Variants in DLG2 observed in about 807,000 individuals in gnomAD.
DLG2 encodes discs large MAGUK scaffold protein 2.
DLG2 carries 45 observed loss-of-function variants against 132.5 expected under a neutral mutation model. That is an observed-to-expected ratio of 0.34 (90% CI 0.27 to 0.44). The LOEUF is 0.44. Ranked by LOEUF, DLG2 falls within the 20% of genes least tolerant of loss-of-function variation. The pLI, the probability that DLG2 is intolerant of heterozygous loss-of-function variation, is 1.00. For missense variants in DLG2, 1,045 were observed against 1,196.9 expected, an observed-to-expected ratio of 0.87 and a Z score of 1.87; for synonymous variants, 424 against 419.6, an observed-to-expected ratio of 1.01 and a Z score of -0.13.
At chr11:84,906,749 G>C (rs1483464337) in intron 6 of DLG2, among the ~76,000 whole-genome samples, 1 of 152,090 alleles carries the variant, frequency 6.6e-6, no homozygotes, top group East Asian at 1.9e-4. Context: ...GTGAGGCCAA[G>C]GGACTAGGGC....
chr11:85,410,286 G>A (rs767609818), intron 3 of DLG2, among the ~76,000 whole-genome samples: 6 of 151,606 alleles, frequency 4.0e-5, no homozygotes, highest in Non-Finnish European at 8.8e-5. Flanking sequence ...GAGCTGTCTT[G>A]AGCAAGATAA....
At chr11:83,546,547 T>G (rs1164072140) in intron 19 of DLG2, among the ~76,000 whole-genome samples, 1 of 152,138 alleles carries the variant, frequency 6.6e-6, no homozygotes, top group Non-Finnish European at 1.5e-5. Flanking sequence ...TGTTATTATT[T>G]CTGACAACAA....
intron 9 of DLG2, among the ~76,000 whole-genome samples, chr11:84,107,226 G>C (rs2093028353): frequency 1.3e-5 from 2 of 151,910 alleles, no homozygotes; most frequent in African/African-American, 4.8e-5. Context: ...ATGGGGCCCA[G>C]AGTTCAGACT....
intron 7 of DLG2, among the ~76,000 whole-genome samples, chr11:84,413,612 C>T (rs1027438602): frequency 2.6e-5 from 4 of 152,278 alleles, no homozygotes; most frequent in African/African-American, 7.2e-5. Context: ...TACCTGTTCC[C>T]AGACTGCTTT....
intron 7 of DLG2, among the ~76,000 whole-genome samples, chr11:84,463,665 A>C (rs2099086361): frequency 6.6e-6 from 1 of 151,208 alleles, no homozygotes; most frequent in South Asian, 2.1e-4. Context: ...CACTGAGGGA[A>C]GGGACTATGC....
chr11:85,468,575 T>C (rs145768127), intron 3 of DLG2, among the ~76,000 whole-genome samples: 1,537 of 152,354 alleles, frequency 0.01, 12 homozygotes, highest in Non-Finnish European at 0.015. Context: ...ATGTACCCAG[T>C]AGTCACACAG....
intron 18 of DLG2, among the ~76,000 whole-genome samples, chr11:83,780,958 C>G (rs1203619123): frequency 6.7e-6 from 1 of 150,076 alleles, no homozygotes; most frequent in Non-Finnish European, 1.5e-5. Context: ...CTCACAAACT[C>G]TAATGTGCAT....
chr11:85,388,142 T>A (rs2086500761), intron 3 of DLG2, among the ~76,000 whole-genome samples: 1 of 152,162 alleles, frequency 6.6e-6, no homozygotes, highest in African/African-American at 2.4e-5. Flanking sequence ...TCTTTTGGGC[T>A]GCAGGTGGCA....
intron 2 of DLG2, among the ~76,000 whole-genome samples, chr11:85,604,439 T>A (rs1275217445): frequency 1.3e-5 from 2 of 152,206 alleles, no homozygotes; most frequent in African/African-American, 2.4e-5. Context: ...GATCTTTTCA[T>A]ACAAATTAAA....
intron 3 of DLG2, among the ~76,000 whole-genome samples, chr11:85,318,089 G>A (rs2080812820): frequency 6.6e-6 from 1 of 151,636 alleles, no homozygotes; most frequent in African/African-American, 2.4e-5. Context: ...TTCTCCTCTA[G>A]TATCCAAAGT....
At chr11:85,309,210 CA>C (rs976687585) in intron 3 of DLG2, among the ~76,000 whole-genome samples, 1 of 151,474 alleles carries the variant, frequency 6.6e-6, no homozygotes, top group Admixed American at 6.6e-5. Flanking sequence ...AATCCACCTG[CA>C]AAAAAAATGT....
intron 6 of DLG2, among the ~76,000 whole-genome samples, chr11:85,011,635 G>A (rs1006407705): frequency 1.8e-4 from 27 of 152,028 alleles, no homozygotes; most frequent in Non-Finnish European, 3.5e-4. Context: ...GTTAAATAAC[G>A]CAGTTGAGTT....
At chr11:83,623,429 C>T (rs574062688) in intron 19 of DLG2, among the ~76,000 whole-genome samples, 50 of 152,328 alleles carry the variant, frequency 3.3e-4, no homozygotes, top group African/African-American at 1.0e-3. Flanking sequence ...TTAATTGATT[C>T]AGCAGTTACT....
At chr11:85,059,821 CT>C (rs1365557971) in intron 6 of DLG2, among the ~76,000 whole-genome samples, 4 of 151,614 alleles carry the variant, frequency 2.6e-5, no homozygotes. Context: ...GTTGTGTTCA[CT>C]TTGTGAAAAT....
chr11:84,927,635 A>C (rs2047553321), intron 6 of DLG2, among the ~76,000 whole-genome samples: 2 of 152,086 alleles, frequency 1.3e-5, no homozygotes. Context: ...ATATCTACTT[A>C]AACAGACATT....
intron 16 of DLG2, among the ~76,000 whole-genome samples, chr11:83,847,649 G>T (rs1346974067): frequency 6.6e-6 from 1 of 152,168 alleles, no homozygotes; most frequent in African/African-American, 2.4e-5. Flanking sequence ...GTATAACTAG[G>T]GGAGGGGTGA....
intron 5 of DLG2, among the ~76,000 whole-genome samples, chr11:85,127,171 G>T (rs929701025): frequency 9.9e-5 from 15 of 151,582 alleles, no homozygotes; most frequent in African/African-American, 3.6e-4. Context: ...ACTCATATTG[G>T]ACACCTTACA....
intron 6 of DLG2, among the ~76,000 whole-genome samples, chr11:84,767,949 C>G (rs1297482353): frequency 6.6e-6 from 1 of 152,012 alleles, no homozygotes; most frequent in Non-Finnish European, 1.5e-5. Flanking sequence ...TAGTGCAAGG[C>G]AGACCTGTGC....
intron 9 of DLG2, among the ~76,000 whole-genome samples, chr11:84,144,632 G>A (rs1283631249): frequency 6.6e-6 from 1 of 152,136 alleles, no homozygotes; most frequent in East Asian, 1.9e-4. Context: ...ATAACATGAG[G>A]AGATAACCAA....
Sources: allele counts gnomAD v4.1 joint callset (sites outside exome capture counted in the v4.1 genomes callset), GRCh38; gene constraint gnomAD v4.1.1; transcripts MANE v1.5; gene names NCBI Gene and HGNC (gene_info 2026-07-23, HGNC 2026-07-21).